The following TNK2 variants were observed in gnomAD, a reference collection of about 807,000 sequenced individuals.
The protein encoded by TNK2 is tyrosine kinase non receptor 2.
In TNK2, 83 loss-of-function variants were observed where a neutral mutation model predicts 101.8. The observed-to-expected ratio is 0.82, with a 90% CI of 0.68 to 0.98. The LOEUF is 0.98. Among genes scored for constraint, TNK2 ranks in the 50% least tolerant of loss-of-function variants. The pLI is 0.00. For missense variants in TNK2, 1,665 were observed against 1,483.2 expected (o/e 1.12, Z -2.01); for synonymous variants, 804 against 633.0 (o/e 1.27, Z -4.06).
At chr3:195,869,388 C>A in intron 12 of TNK2, 109 bp downstream of exon 12, 2 of 1,038,958 alleles carry the variant, frequency 1.9e-6, no homozygotes, top group South Asian at 1.4e-5. Context: ...AGCACACACC[C>A]ACCCACCTCC....
intron 1 of TNK2, among the ~76,000 whole-genome samples, chr3:195,891,338 G>A (rs763554759): frequency 3.3e-5 from 5 of 152,216 alleles, no homozygotes; most frequent in Admixed American, 6.5e-5. Flanking sequence ...CCCGGGAGGC[G>A]GAGGCTGTGG....
chr3:195,882,223 C>A lies in TNK2; in HGVS notation c.715G>T (p.Gly239Cys). The A allele has an allele frequency of 1.2e-6, 2 of 1,613,820 alleles. No individual in the cohort carries two copies. Among genetic ancestry groups the A allele is most frequent in the Non-Finnish European group, 1.7e-6 (2 of 1,180,030 alleles). ...CGCTTGGACTCCAGGTAGCCCATGCCCTCAGCCACCTGCACAGCGTAGCGG... is the reference window on the plus strand; with the variant it reads ...CGCTTGGACTCCAGGTAGCCCATGCACTCAGCCACCTGCACAGCGTAGCGG... ...LSRYAVQVAE[G>C]MGYLESKRFI... The change falls in exon 6 of 16, where the codon GGC (glycine) becomes TGC (cysteine). Residue 239 changes from glycine to cysteine, a missense_variant. Around this residue, in one of 3 missense-constraint regions of TNK2, gnomAD observed 490 missense variants for 522.5 expected, o/e 0.94. Transcript: ENST00000672887. The surrounding 1 kb of genome is among the most constrained non-coding windows in gnomAD (Gnocchi z 4.2).
intron 1 of TNK2, among the ~76,000 whole-genome samples, chr3:195,893,660 G>C (rs552464840): frequency 1.5e-4 from 23 of 152,090 alleles, no homozygotes; most frequent in Non-Finnish European, 3.2e-4. Context: ...ACGGCCCCCA[G>C]ACACACCTGA....
rs550172384 is a variant in TNK2, at chr3:195,899,667, T to C, written c.-19+8818A>G. 1.8e-4 allele frequency among the ~76,000 whole-genome samples: 28 copies of C among 152,326 alleles called. 1 individual carries two copies. The South Asian group carries it at 4.8e-3, about 26-fold the overall frequency. Reference sequence around the variant, plus strand: ...AAGTTTAAATTATCCATCACGTTCCTATCCTTAAAGGGTCACTATTCCTGT... The same window carrying C: ...AAGTTTAAATTATCCATCACGTTCCCATCCTTAAAGGGTCACTATTCCTGT... On this transcript the variant is annotated intron_variant, in intron 1 of 15. Coordinates refer to ENST00000672887, the MANE Select transcript of TNK2 (RefSeq NM_001382273.1).
At chr3:195,891,271 T>C (rs1158696232) in intron 1 of TNK2, among the ~76,000 whole-genome samples, 1 of 152,196 alleles carries the variant, frequency 6.6e-6, no homozygotes, top group Non-Finnish European at 1.5e-5. Context: ...CCGGGCCTGG[T>C]GGCACATGCC....
At position 195,887,608 on chromosome 3, in the gene TNK2, T is replaced by C. The variant is rs149991483; in HGVS notation, c.164-561A>G. Among the ~76,000 whole-genome samples the C allele has an allele frequency of 1.2e-3, 179 of 152,354 alleles. 1 individual carries two copies. Among genetic ancestry groups the C allele is most frequent in the African/African-American group, 3.8e-3 (158 of 41,558 alleles). On this transcript the variant is annotated intron_variant, in intron 2 of 15. Transcript: ENST00000672887. ...TTATTACCTATTTAGCTATTTTAAC[T>C]TGAAAGCCCTAATACGTTTCTAATG...
chr3:195,865,494 G>GT (rs1193677635), intron 15 of TNK2, among the ~76,000 whole-genome samples: 3 of 148,594 alleles, frequency 2.0e-5, no homozygotes, highest in Non-Finnish European at 4.5e-5. Context: ...GTGCAAATCA[G>GT]TAAGAACCAC....
chr3:195,883,469 G>A (rs957657352), intron 4 of TNK2, 160 bp from the exon 5 acceptor site: 16 of 810,624 alleles, frequency 2.0e-5, no homozygotes, highest in Non-Finnish European at 2.7e-5. Flanking sequence ...CGTGCTCTGC[G>A]TGAGGCCTGG....
chr3:195,897,930 T>C (rs1760813214), intron 1 of TNK2, among the ~76,000 whole-genome samples: 1 of 150,872 alleles, frequency 6.6e-6, no homozygotes, highest in African/African-American at 2.4e-5. Flanking sequence ...GGGTCACCTA[T>C]GCCTCCAGGG....
chr3:195,883,847 A>G (rs987385561), intron 4 of TNK2: 1 of 152,786 alleles, frequency 6.5e-6, no homozygotes, highest in African/African-American at 2.4e-5. Context: ...ATGGAATATT[A>G]AAAGGTGTTT....
At chr3:195,877,379 C>T (rs966787133) in intron 9 of TNK2, among the ~76,000 whole-genome samples, 1 of 152,180 alleles carries the variant, frequency 6.6e-6, no homozygotes, top group Non-Finnish European at 1.5e-5. Flanking sequence ...GTCTCCTCCA[C>T]CCACCCCCAA....
intron 11 of TNK2, 91 bp from the exon 12 acceptor site, chr3:195,869,632 G>GAA: frequency 7.7e-7 from 1 of 1,297,714 alleles, no homozygotes; most frequent in South Asian, 1.3e-5. Flanking sequence ...GCAGAGTGTA[G>GAA]AGAGACGAAG....
At chr3:195,869,424 G>C (rs1017960462) in intron 12 of TNK2, 73 bp downstream of exon 12, 2 of 1,474,118 alleles carry the variant, frequency 1.4e-6, no homozygotes, top group Non-Finnish European at 1.9e-6. Flanking sequence ...CCCAGGCTCT[G>C]TACCTTCCAG....
intron 6 of TNK2, among the ~76,000 whole-genome samples, chr3:195,881,692 C>T (rs549512911): frequency 1.7e-4 from 22 of 130,760 alleles, no homozygotes; most frequent in Non-Finnish European, 2.8e-4. Context: ...TATAACACCC[C>T]CCCGCCAGCA....
chr3:195,894,848 A>G (rs565853193), intron 1 of TNK2: 45 of 170,134 alleles, frequency 2.6e-4, no homozygotes, highest in Non-Finnish European at 1.6e-4. Context: ...ATCCATCAAC[A>G]CCGTGACCAT....
chr3:195,874,534 T>TCC, intron 9 of TNK2, among the ~76,000 whole-genome samples: 1 of 118,398 alleles, frequency 8.4e-6, no homozygotes, highest in South Asian at 2.8e-4. Context: ...CACAAGAAAC[T>TCC]CCCCCTCGGG....
At chr3:195,881,861 T>TG (rs938668875) in intron 6 of TNK2, among the ~76,000 whole-genome samples, 190 bp downstream of exon 6, 8 of 152,124 alleles carry the variant, frequency 5.3e-5, no homozygotes, top group African/African-American at 1.9e-4. Flanking sequence ...ACCCAGACCC[T>TG]GGCACGTGGG....
intron 9 of TNK2, among the ~76,000 whole-genome samples, chr3:195,875,964 G>A (rs559403333): frequency 2.6e-5 from 4 of 152,150 alleles, no homozygotes; most frequent in Non-Finnish European, 5.9e-5. Context: ...AACTAATGCC[G>A]GACATTCTGT....
Position 195,888,401 on chromosome 3 carries a change from C to G in TNK2, c.163+25G>C. ...AGGACGGAAAGGGTCAGGGGCAAGACAAGCCAGGCCAACATCCCACCTACC... is the reference window on the plus strand; with the variant it reads ...AGGACGGAAAGGGTCAGGGGCAAGAGAAGCCAGGCCAACATCCCACCTACC... On this transcript the variant is annotated intron_variant, in intron 2 of 15. Coordinates refer to ENST00000672887, the MANE Select transcript of TNK2 (RefSeq NM_001382273.1). This position sits in a 1 kb window ranked among gnomAD's most constrained non-coding sequence, Gnocchi z 5.3. 1 of 1,607,520 alleles carries G rather than the reference C, an allele frequency of 6.2e-7. No homozygotes were observed. Among genetic ancestry groups the G allele is most frequent in the Non-Finnish European group, 8.5e-7 (1 of 1,175,540 alleles).
Sources: gnomAD v4.1 joint callset for allele counts (sites outside exome capture counted in the v4.1 genomes callset) on GRCh38, gnomAD v4.1.1 for gene constraint, gnomAD v4.1.1 regional missense constraint, Gnocchi (gnomAD v3.1) non-coding constraint, MANE v1.5 for transcripts, NCBI Gene and HGNC (gene_info 2026-07-23, HGNC 2026-07-21) for gene names.